The following AACS variants were observed in gnomAD, a reference collection of about 807,000 sequenced individuals.
AACS encodes the protein acetoacetate-CoA ligase.
A neutral mutation model predicts 83.1 loss-of-function variants in AACS; 69 were observed. The ratio of observed to expected loss-of-function variants is 0.83; its 90% confidence interval spans 0.68 to 1.01. AACS has a LOEUF of 1.01. Ranked by LOEUF, AACS falls within the 50% of genes least tolerant of loss-of-function variation. The pLI is 0.00. For missense variants in AACS, 866 were observed against 882.2 expected (o/e 0.98, Z 0.23); for synonymous variants, 333 against 343.4 (o/e 0.97, Z 0.33).
rs1453929688 is a variant in AACS at position 125,079,255 on chromosome 12, G to A, written c.358+2644G>A. 2.0e-5 allele frequency among the ~76,000 whole-genome samples: 3 copies of A among 152,130 alleles called. No homozygotes were observed. In the East Asian group the frequency reaches 5.8e-4, roughly 29 times the overall value. ...GTGTGGGGAGGTGTGAGAGGGAGTG[G>A]GCCATCCTCAGGGTTCTGAGCAAGG... On this transcript the variant is annotated intron_variant, in intron 3 of 17. Transcript: ENST00000316519.
intron 7 of AACS, among the ~76,000 whole-genome samples, chr12:125,103,949 C>T (rs1462780697): frequency 8.0e-6 from 1 of 124,860 alleles, no homozygotes; most frequent in Non-Finnish European, 1.6e-5. Context: ...GATAGCGCCA[C>T]TGCACTCCAG....
intron 9 of AACS, among the ~76,000 whole-genome samples, chr12:125,116,130 C>G (rs1004941106): frequency 1.6e-4 from 25 of 152,202 alleles, no homozygotes; most frequent in Non-Finnish European, 2.5e-4. Context: ...AGCCCCACCC[C>G]CACCATGGAC....
At chr12:125,114,382 C>T (rs377760279) in intron 8 of AACS, 95 bp from the exon 9 acceptor site, 4 of 980,370 alleles carry the variant, frequency 4.1e-6, no homozygotes, top group Non-Finnish European at 6.0e-6. Flanking sequence ...GGGGCTTCTT[C>T]CTGGCAGCGT....
intron 4 of AACS, 188 bp from the exon 5 acceptor site, chr12:125,091,238 G>A: frequency 1.6e-6 from 1 of 620,762 alleles, no homozygotes; most frequent in East Asian, 2.8e-5. Context: ...GATTGCAGGG[G>A]GATGGTGGGG....
rs1289241264 is a variant in AACS at position 125,078,073 on chromosome 12, C to A, written c.358+1462C>A. 9 of 448,470 alleles carry A rather than the reference C, an allele frequency of 2.0e-5. No homozygotes were observed. The Admixed American group carries it at 2.2e-4, about 11-fold the overall frequency. The allele number at this position is 448,470 out of a possible 1,614,324, so 27.8% of individuals were successfully genotyped here. A position where few individuals can be genotyped will look rare whatever the true frequency, so the allele number is the denominator to read the frequency against. On this transcript the variant is annotated intron_variant, in intron 3 of 17. Transcript: ENST00000316519. The stretch of plus-strand genomic sequence containing the variant: ...ATTCACTGTGGTATAAAATACTCAT[C>A]AGAAACTTCACTCACTCCCTAGATC...
chr12:125,108,053 T>C (rs970352087), intron 8 of AACS, among the ~76,000 whole-genome samples: 2 of 152,158 alleles, frequency 1.3e-5, no homozygotes, highest in African/African-American at 4.8e-5. Context: ...TGGAGCGGAA[T>C]GTGTGCACGT....
intron 1 of AACS, among the ~76,000 whole-genome samples, chr12:125,071,291 C>G (rs1296705221): frequency 6.6e-6 from 1 of 152,150 alleles, no homozygotes; most frequent in Admixed American, 6.5e-5. Context: ...TTGGCCACTT[C>G]CACAATACCC....
At chr12:125,087,757 C>T (rs1956372237) in intron 4 of AACS, among the ~76,000 whole-genome samples, 1 of 152,316 alleles carries the variant, frequency 6.6e-6, no homozygotes, top group African/African-American at 2.4e-5. Flanking sequence ...GTGGCTGGAC[C>T]AAGAATCCTG....
intron 4 of AACS, among the ~76,000 whole-genome samples, chr12:125,088,158 T>C (rs1956382080): frequency 6.6e-6 from 1 of 152,068 alleles, no homozygotes; most frequent in Non-Finnish European, 1.5e-5. Flanking sequence ...GCCTGGCACC[T>C]AGCAGCATCT....
intron 16 of AACS, among the ~76,000 whole-genome samples, chr12:125,135,337 C>T (rs4765221): frequency 0.058 from 8,845 of 152,010 alleles, 310 homozygotes; most frequent in African/African-American, 0.085. Flanking sequence ...TCAAGTGATC[C>T]GCCTGCCTCG....
chr12:125,114,989 G>A (rs1360084914), intron 9 of AACS, among the ~76,000 whole-genome samples: 1 of 152,042 alleles, frequency 6.6e-6, no homozygotes, highest in African/African-American at 2.4e-5. Context: ...GGCGCTGCCT[G>A]TGCTGCACTG....
Position 125,129,422 on chromosome 12 carries a change from GCAA to G in AACS, c.1515_1517del (p.Asn505del), listed in dbSNP as rs1957296720. Reference sequence around the variant, plus strand: ...ACACACTTCTGGAACGATGAGAACGGCAACAAGTACAGGAAGGCGTATTTCTCC... The same window carrying G: ...ACACACTTCTGGAACGATGAGAACGGCAAGTACAGGAAGGCGTATTTCTCC... On this transcript the variant is annotated inframe_deletion, in exon 14 of 18. Coordinates refer to ENST00000316519, the MANE Select transcript of AACS (RefSeq NM_023928.5). The surrounding 1 kb of genome is among the most constrained non-coding windows in gnomAD (Gnocchi z 4.3). 2.5e-6 allele frequency: 4 copies of G among 1,613,888 alleles called. No individual in the cohort carries two copies. Among genetic ancestry groups the G allele is most frequent in the Admixed American group, 1.7e-5 (1 of 59,978 alleles).
chr12:125,102,630 GT>G, intron 5 of AACS, 48 bp from the exon 6 acceptor site: 1 of 1,558,542 alleles, frequency 6.4e-7, no homozygotes, highest in Non-Finnish European at 8.8e-7. Flanking sequence ...ATGCCTGCTG[GT>G]TTTTGCCTTT....
At chr12:125,068,758 A>G (rs1360216988) in intron 1 of AACS, among the ~76,000 whole-genome samples, 1 of 151,618 alleles carries the variant, frequency 6.6e-6, no homozygotes. Context: ...ATTCTCTTTG[A>G]ATATTTCTGC....
chr12:125,118,120 G>A (rs1957089553), intron 9 of AACS: 1 of 155,674 alleles, frequency 6.4e-6, no homozygotes, highest in Admixed American at 6.4e-5. Context: ...GGTCACTGTA[G>A]CCCGCATGAT....
chr12:125,103,322 G>C (rs1337315626), intron 7 of AACS, among the ~76,000 whole-genome samples: 1 of 152,216 alleles, frequency 6.6e-6, no homozygotes, highest in East Asian at 1.9e-4. Flanking sequence ...CTTCCAATCT[G>C]GTGTCCCTTA....
intron 5 of AACS, among the ~76,000 whole-genome samples, chr12:125,100,361 C>G (rs1008785070): frequency 7.2e-5 from 11 of 152,130 alleles, no homozygotes; most frequent in African/African-American, 2.7e-4. Context: ...TTTTTCTTTC[C>G]CTGGCTACCT....
chr12:125,115,723 A>G, intron 9 of AACS, among the ~76,000 whole-genome samples: 1 of 149,712 alleles, frequency 6.7e-6, no homozygotes, highest in East Asian at 2.0e-4. Context: ...AGAGTATCAG[A>G]CCCCCCACCC....
intron 5 of AACS, among the ~76,000 whole-genome samples, chr12:125,092,942 G>A (rs1299768875): frequency 6.6e-6 from 1 of 152,160 alleles, no homozygotes; most frequent in African/African-American, 2.4e-5. Flanking sequence ...GCTCAAGGCC[G>A]GGCAGGCTGG....
Sources: allele counts gnomAD v4.1 joint callset (sites outside exome capture counted in the v4.1 genomes callset), GRCh38; gene constraint gnomAD v4.1.1; non-coding constraint Gnocchi (gnomAD v3.1); transcripts MANE v1.5; gene names NCBI Gene and HGNC (gene_info 2026-07-23, HGNC 2026-07-21).